The following LGALS3 variants were observed in gnomAD, a reference collection of about 807,000 sequenced individuals.
LGALS3 encodes the protein galectin-3.
In LGALS3, 18 loss-of-function variants were observed where a neutral mutation model predicts 20.7. The ratio of observed to expected loss-of-function variants is 0.87; its 90% CI spans 0.60 to 1.29. The LOEUF (loss-of-function observed/expected upper bound fraction) is 1.29. Ranked by LOEUF, LGALS3 falls within the 50% of genes most tolerant of loss-of-function variation. The pLI, the probability that LGALS3 is intolerant of heterozygous loss-of-function variation, is 0.00. For missense variants in LGALS3, 315 were observed against 314.7 expected (o/e 1.00, Z -0.01); for synonymous variants, 112 against 119.6 (o/e 0.94, Z 0.42).
At chr14:55,135,445 A>G (rs1881358933) in intron 1 of LGALS3, among the ~76,000 whole-genome samples, 1 of 152,208 alleles carries the variant, frequency 6.6e-6, no homozygotes, top group Non-Finnish European at 1.5e-5. Flanking sequence ...CCTATTTCAA[A>G]TAAGGGATAC....
chr14:55,142,588 G>A lies in LGALS3; in HGVS notation c.436G>A (p.Ala146Thr). 1 of 1,612,076 alleles carries A rather than the reference G, an allele frequency of 6.2e-7. No homozygotes were observed. The highest frequency in any genetic ancestry group is 8.5e-7 in the Non-Finnish European group (1 of 1,178,316). The change falls in exon 5 of 6, where the codon GCT (alanine) becomes ACT (threonine). Residue 146 changes from alanine to threonine, a missense_variant. By Grantham distance (58) the Ala-to-Thr change is moderately conservative. Coordinates refer to ENST00000254301, the MANE Select transcript of LGALS3 (RefSeq NM_002306.4). ...GTVKPNANRI[A>T]LDFQRGNDVA... is the part of the protein sequence containing the mutation. ...CTGGTCTTTGGTTTAAAACAGAATT[G>A]CTTTAGATTTCCAAAGAGGGAATGA...
At chr14:55,140,890 G>A (rs897215634) in intron 4 of LGALS3, among the ~76,000 whole-genome samples, 2 of 152,188 alleles carry the variant, frequency 1.3e-5, no homozygotes, top group Non-Finnish European at 2.9e-5. Flanking sequence ...GAAAATACAT[G>A]CTAATTATGG....
intron 1 of LGALS3, among the ~76,000 whole-genome samples, chr14:55,130,338 A>G (rs760585949): frequency 1.3e-5 from 2 of 152,148 alleles, no homozygotes; most frequent in Non-Finnish European, 2.9e-5. Flanking sequence ...CGGGTTCCAG[A>G]GACTGCGGAA....
chr14:55,142,761 C>T lies in LGALS3; in HGVS notation c.597+12C>T. ...GGAAACCATTCAAAGTAAGTTATTG[C>T]TACTATTATATATTGATAATGTATA... On this transcript the variant is annotated intron_variant, in intron 5 of 5. Transcript: ENST00000254301. 1 of 1,591,320 alleles carries T rather than the reference C, an allele frequency of 6.3e-7. No individual in the cohort carries two copies. Among genetic ancestry groups the T allele is most frequent in the Non-Finnish European group, 8.6e-7 (1 of 1,159,656 alleles).
chr14:55,136,841 A>C (rs1594651333), intron 1 of LGALS3, among the ~76,000 whole-genome samples: 6 of 104,604 alleles, frequency 5.7e-5, no homozygotes, highest in South Asian at 3.8e-4. Flanking sequence ...TCTGGTAACC[A>C]TCCTTCTATT....
chr14:55,143,525 G>A (rs1483282298), intron 5 of LGALS3: 4 of 268,804 alleles, frequency 1.5e-5, no homozygotes, highest in South Asian at 8.5e-5. Flanking sequence ...GGGTTCAAGC[G>A]ATGCTCCTGC....
intron 1 of LGALS3, 149 bp from the exon 2 acceptor site, chr14:55,137,221 G>C (rs987135211): frequency 2.5e-6 from 2 of 805,366 alleles, no homozygotes; most frequent in African/African-American, 3.4e-5. Flanking sequence ...CCTGCCCCTT[G>C]AAGAGATGTT....
chr14:55,130,352 T>C (rs1277027597), intron 1 of LGALS3, among the ~76,000 whole-genome samples: 2 of 152,158 alleles, frequency 1.3e-5, no homozygotes, highest in East Asian at 3.8e-4. Context: ...TGCGGAATGT[T>C]TGTAAAGTGA....
At chr14:55,141,706 T>G (rs984894914) in intron 4 of LGALS3, among the ~76,000 whole-genome samples, 1 of 152,244 alleles carries the variant, frequency 6.6e-6, no homozygotes, top group African/African-American at 2.4e-5. Context: ...GTATATTTAG[T>G]CAAATACAAA....
chr14:55,137,274 T>A, intron 1 of LGALS3, 96 bp from the exon 2 acceptor site: 1 of 1,164,654 alleles, frequency 8.6e-7, no homozygotes, highest in Admixed American at 1.7e-5. Flanking sequence ...TGCCTAGAGA[T>A]GGATTAGAAC....
intron 4 of LGALS3, among the ~76,000 whole-genome samples, chr14:55,142,033 C>T (rs2140296180): frequency 6.6e-6 from 1 of 152,320 alleles, no homozygotes; most frequent in East Asian, 1.9e-4. Context: ...CATTTACTAT[C>T]ATGACTTTAC....
Position 55,129,978 on chromosome 14 carries a change from T to A in LGALS3, c.-5+678T>A, listed in dbSNP as rs1400340841. Among the ~76,000 whole-genome samples the A allele has an allele frequency of 6.6e-6, 1 of 152,120 alleles. No homozygotes were observed. The highest frequency in any genetic ancestry group is 2.4e-5 in the African/African-American group (1 of 41,422). ...AGCTGCGGCCGGGCTGCAGCCGCTG[T>A]CTGGTTGCTGATCCCACAGAAAATG... On this transcript the variant is annotated intron_variant, in intron 1 of 5. Transcript: ENST00000254301. The surrounding 1 kb of genome is among the most constrained non-coding windows in gnomAD (Gnocchi z 5.3).
chr14:55,145,145 C>T lies in LGALS3; in HGVS notation c.627C>T (p.Phe209=). Residue 209 remains phenylalanine (F), a synonymous_variant, in exon 6 of 6, where the codon TTC becomes TTT. Coordinates refer to ENST00000254301, the MANE Select transcript of LGALS3 (RefSeq NM_002306.4). ...KIQVLVEPDH[F]KVAVNDAHLL... is the part of the protein sequence containing the mutation. ...AAGTACTGGTTGAACCTGACCACTTCAAGGTTGCAGTGAATGATGCTCACT... is the reference window on the plus strand; with the variant it reads ...AAGTACTGGTTGAACCTGACCACTTTAAGGTTGCAGTGAATGATGCTCACT... 6.2e-7 allele frequency: 1 copy of T among 1,613,986 alleles called. No individual in the cohort carries two copies. The highest frequency in any genetic ancestry group is 1.1e-5 in the South Asian group (1 of 91,074).
At chr14:55,131,764 A>G (rs1001776584) in intron 1 of LGALS3, among the ~76,000 whole-genome samples, 3 of 152,060 alleles carry the variant, frequency 2.0e-5, no homozygotes, top group South Asian at 4.2e-4. Context: ...CGTAGGGGGG[A>G]AGATCAGTCA....
In LGALS3 at chr14:55,138,263, C is replaced by T; in HGVS notation, c.237C>T (p.Tyr79=). 1.9e-6 allele frequency: 3 copies of T among 1,612,930 alleles called. No individual in the cohort carries two copies. The highest frequency in any genetic ancestry group is 2.5e-6 in the Non-Finnish European group (3 of 1,179,802). Residue 79 remains tyrosine (Y), a synonymous_variant, in exon 3 of 6, where the codon TAC becomes TAT. Transcript: ENST00000254301. ...AYPGAPAPGV[Y]PGPPSGPGAY... is the part of the protein sequence containing the mutation. ...CCGGAGCACCTGCACCTGGAGTCTACCCAGGGCCACCCAGCGGCCCTGGGG... is the reference window on the plus strand; with the variant it reads ...CCGGAGCACCTGCACCTGGAGTCTATCCAGGGCCACCCAGCGGCCCTGGGG...
chr14:55,134,021 T>C (rs1309517825), intron 1 of LGALS3, among the ~76,000 whole-genome samples: 2 of 152,224 alleles, frequency 1.3e-5, no homozygotes, highest in Admixed American at 1.3e-4. Flanking sequence ...GGTCCTCAAC[T>C]AGCCATGATT....
intron 4 of LGALS3, 42 bp downstream of exon 4, chr14:55,140,405 T>C: frequency 2.3e-6 from 3 of 1,316,056 alleles, no homozygotes; most frequent in Admixed American, 1.9e-5. Context: ...ATTTGTAGAT[T>C]GGTTTTTGAA....
intron 1 of LGALS3, 111 bp from the exon 2 acceptor site, chr14:55,137,259 C>A: frequency 9.8e-7 from 1 of 1,022,172 alleles, no homozygotes; most frequent in Non-Finnish European, 1.6e-6. Flanking sequence ...CTGACTTAGG[C>A]ATAATGCCTA....
intron 5 of LGALS3, among the ~76,000 whole-genome samples, chr14:55,143,072 G>T (rs1460722477): frequency 6.6e-6 from 1 of 152,182 alleles, no homozygotes; most frequent in Non-Finnish European, 1.5e-5. Context: ...CGACTTTGTT[G>T]CTTAAAACAC....
Sources: gnomAD v4.1 joint callset for allele counts (sites outside exome capture counted in the v4.1 genomes callset) on GRCh38, gnomAD v4.1.1 for gene constraint, Gnocchi (gnomAD v3.1) non-coding constraint, MANE v1.5 for transcripts, NCBI Gene and HGNC (gene_info 2026-07-23, HGNC 2026-07-21) for gene names.